The following DLG2 variants were observed in gnomAD, a reference collection of about 807,000 sequenced individuals.
The protein encoded by DLG2 is disks large homolog 2.
Under a neutral mutation model 132.5 loss-of-function variants are expected in DLG2, and 45 were observed. The observed-to-expected ratio is 0.34, with a 90% CI of 0.27 to 0.44. The LOEUF (loss-of-function observed/expected upper bound fraction) is 0.44, where lower values mean the gene tolerates loss of function less well. Ranked by LOEUF, DLG2 falls within the 20% of genes least tolerant of loss-of-function variation. The pLI, the probability that DLG2 is intolerant of heterozygous loss-of-function variation, is 1.00. For missense variants in DLG2, 1,045 were observed against 1,196.9 expected (o/e 0.87, Z 1.87); for synonymous variants, 424 against 419.6 (o/e 1.01, Z -0.13).
chr11:84,922,984 A>C, intron 6 of DLG2: 1 of 1,507,216 alleles, frequency 6.6e-7, no homozygotes, highest in Admixed American at 1.7e-5. Flanking sequence ...TCAGCCAGCA[A>C]TCCGAAAAGT....
At chr11:85,291,784 C>T (rs1300165818) in intron 3 of DLG2, among the ~76,000 whole-genome samples, 1 of 151,910 alleles carries the variant, frequency 6.6e-6, no homozygotes, top group Non-Finnish European at 1.5e-5. Context: ...AGGGTTTCAC[C>T]ACATTGGGCA....
intron 6 of DLG2, among the ~76,000 whole-genome samples, chr11:85,086,809 G>A (rs528769293): frequency 1.3e-5 from 2 of 152,302 alleles, no homozygotes; most frequent in South Asian, 2.1e-4. Flanking sequence ...ATCAATCATA[G>A]CAAGAGTGGC....
intron 6 of DLG2, among the ~76,000 whole-genome samples, chr11:84,768,291 G>A (rs901639931): frequency 1.3e-5 from 2 of 152,034 alleles, no homozygotes; most frequent in Non-Finnish European, 2.9e-5. Context: ...TGTTTGTTGT[G>A]TTTATGCTTA....
intron 3 of DLG2, among the ~76,000 whole-genome samples, chr11:85,315,176 T>A (rs537129748): frequency 6.6e-6 from 1 of 151,944 alleles, no homozygotes; most frequent in East Asian, 1.9e-4. Context: ...CCAAAACAAG[T>A]CCCTGGCAGG....
intron 3 of DLG2, among the ~76,000 whole-genome samples, chr11:85,356,502 A>T (rs1281066951): frequency 6.6e-6 from 1 of 152,186 alleles, no homozygotes; most frequent in Non-Finnish European, 1.5e-5. Context: ...TCCAATTTTG[A>T]TAAGTCTGGT....
intron 7 of DLG2, among the ~76,000 whole-genome samples, chr11:84,460,631 T>C (rs527917298): frequency 6.6e-6 from 1 of 150,824 alleles, no homozygotes; most frequent in South Asian, 2.1e-4. Flanking sequence ...CAAACATTAA[T>C]AAATGAATTT....
intron 22 of DLG2, 129 bp downstream of exon 22, chr11:83,484,000 A>ACCTGCC: frequency 1.4e-6 from 1 of 729,564 alleles, no homozygotes. Context: ...ACAGTAGTAG[A>ACCTGCC]CCTGCCCTGC....
intron 6 of DLG2, among the ~76,000 whole-genome samples, chr11:84,995,351 T>C (rs1159683693): frequency 6.6e-6 from 1 of 152,192 alleles, no homozygotes; most frequent in Admixed American, 6.5e-5. Flanking sequence ...ATACATGATC[T>C]TGGAGAAGTC....
At chr11:85,279,318 A>G (rs1047872916) in intron 4 of DLG2, among the ~76,000 whole-genome samples, 2 of 152,176 alleles carry the variant, frequency 1.3e-5, no homozygotes, top group Admixed American at 6.6e-5. Flanking sequence ...ATGAATATAC[A>G]TACCAGATGC....
chr11:83,610,305 T>G (rs1233383781), intron 19 of DLG2, among the ~76,000 whole-genome samples: 1 of 152,164 alleles, frequency 6.6e-6, no homozygotes, highest in African/African-American at 2.4e-5. Context: ...GGCACAAGGC[T>G]GCCCAGCTAA....
chr11:83,537,777 G>A lies in DLG2; in HGVS notation c.2117+3905C>T, dbSNP rs1052311632. 6.9e-5 allele frequency among the ~76,000 whole-genome samples: 9 copies of A among 131,192 alleles called. No individual in the cohort carries two copies. The East Asian group carries it at 8.8e-4, about 13-fold the overall frequency. The allele number at this position is 131,192 out of a possible 152,430, so 86.1% of individuals were successfully genotyped here. On this transcript the variant is annotated intron_variant, in intron 20 of 27. Coordinates refer to ENST00000376104, the MANE Select transcript of DLG2 (RefSeq NM_001142699.3). Reference sequence around the variant, plus strand: ...TTGCAGTGAGTTGGGATTGTACTCCGGCCTAGGCAACGAAAGTGAGACTCT... The same window carrying A: ...TTGCAGTGAGTTGGGATTGTACTCCAGCCTAGGCAACGAAAGTGAGACTCT...
intron 6 of DLG2, among the ~76,000 whole-genome samples, chr11:84,601,739 A>G (rs950997072): frequency 7.2e-5 from 11 of 152,256 alleles, no homozygotes; most frequent in South Asian, 2.1e-4. Context: ...TTTAAAAAAT[A>G]TATTTCAGTT....
intron 6 of DLG2, among the ~76,000 whole-genome samples, chr11:84,700,952 G>A (rs775146382): frequency 2.0e-5 from 3 of 151,326 alleles, no homozygotes; most frequent in East Asian, 2.0e-4. Flanking sequence ...CATATGTACC[G>A]GTCCTTGATC....
At chr11:84,431,946 C>T (rs191109912) in intron 7 of DLG2, among the ~76,000 whole-genome samples, 6,816 of 152,108 alleles carry the variant, frequency 0.045, 469 homozygotes, top group African/African-American at 0.14. Flanking sequence ...TTGATGACAA[C>T]TTCAAATCAA....
At chr11:84,877,078 A>G (rs2086467990) in intron 6 of DLG2, among the ~76,000 whole-genome samples, 1 of 152,044 alleles carries the variant, frequency 6.6e-6, no homozygotes, top group Non-Finnish European at 1.5e-5. Flanking sequence ...ATTCTTTTGC[A>G]TTTGCTGAGA....
chr11:85,276,712 T>C (rs1300307710), intron 4 of DLG2, among the ~76,000 whole-genome samples: 1 of 152,178 alleles, frequency 6.6e-6, no homozygotes, highest in Non-Finnish European at 1.5e-5. Context: ...TCTAGCATAA[T>C]ATACATATAC....
intron 7 of DLG2, among the ~76,000 whole-genome samples, chr11:84,345,433 T>C (rs1447607140): frequency 1.3e-5 from 2 of 152,246 alleles, no homozygotes; most frequent in African/African-American, 4.8e-5. Context: ...ACCCTACTTC[T>C]AAACTCCCAA....
intron 6 of DLG2, among the ~76,000 whole-genome samples, chr11:84,935,077 C>T (rs1387342378): frequency 1.3e-5 from 2 of 152,136 alleles, no homozygotes; most frequent in African/African-American, 2.4e-5. Flanking sequence ...AGTCAGAAAT[C>T]TAGCAGTCAC....
intron 6 of DLG2, among the ~76,000 whole-genome samples, chr11:85,070,437 C>T (rs1371543495): frequency 6.6e-6 from 1 of 151,594 alleles, no homozygotes; most frequent in Admixed American, 6.6e-5. Flanking sequence ...GAGAAAGAAA[C>T]CGTGTGGAGA....
Sources: gnomAD v4.1 joint callset for allele counts (sites outside exome capture counted in the v4.1 genomes callset) on GRCh38, gnomAD v4.1.1 for gene constraint, MANE v1.5 for transcripts, NCBI Gene and HGNC (gene_info 2026-07-23, HGNC 2026-07-21) for gene names.